Variants in AKAP19 observed in about 807,000 individuals in gnomAD.
AKAP19 encodes the protein small A-kinase anchoring protein.
the AKAP19 span, among the ~76,000 whole-genome samples, chr2:190,021,105 C>G: frequency 6.6e-6 from 1 of 152,116 alleles, no homozygotes; most frequent in East Asian, 1.9e-4. Flanking sequence ...ATCCAAATAC[C>G]TATTTGAGTC....
At chr2:190,060,584 C>A in the AKAP19 span, 2 of 705,252 alleles carry the variant, frequency 2.8e-6, 1 homozygote, top group South Asian at 4.1e-5. Context: ...CTTTATAACT[C>A]AAAAAAATGT....
At chr2:189,895,117 A>AT in the AKAP19 span, among the ~76,000 whole-genome samples, 1 of 152,218 alleles carries the variant, frequency 6.6e-6, no homozygotes, top group African/African-American at 2.4e-5. Flanking sequence ...ATAAAATTAG[A>AT]TCACAACCAT....
At chr2:189,932,336 A>C in the AKAP19 span, among the ~76,000 whole-genome samples, 1 of 145,528 alleles carries the variant, frequency 6.9e-6, no homozygotes, top group Non-Finnish European at 1.5e-5. Flanking sequence ...TCAACCTGGG[A>C]GGTGGAGGTT....
At chr2:190,043,870 T>G in the AKAP19 span, among the ~76,000 whole-genome samples, 1 of 152,204 alleles carries the variant, frequency 6.6e-6, no homozygotes, top group East Asian at 1.9e-4. Context: ...ATAGACTTCT[T>G]TTCTGGGTGT....
the AKAP19 span, among the ~76,000 whole-genome samples, chr2:190,181,951 C>G: frequency 1.3e-5 from 2 of 152,192 alleles, no homozygotes; most frequent in East Asian, 3.8e-4. Context: ...ATTCTGCTTT[C>G]AAGCAGAATG....
At chr2:189,935,755 T>C in the AKAP19 span, among the ~76,000 whole-genome samples, 16 of 152,244 alleles carry the variant, frequency 1.1e-4, no homozygotes, top group Non-Finnish European at 2.1e-4. Flanking sequence ...TTTCAGCAAA[T>C]ATTAATAGGA....
chr2:190,165,760 A>C, the AKAP19 span, among the ~76,000 whole-genome samples: 1 of 152,244 alleles, frequency 6.6e-6, no homozygotes, highest in African/African-American at 2.4e-5. Flanking sequence ...TTTATGTTAG[A>C]TGATAGACAT....
chr2:189,938,717 T>C, the AKAP19 span, among the ~76,000 whole-genome samples: 5 of 152,156 alleles, frequency 3.3e-5, 1 homozygote, highest in African/African-American at 7.2e-5. Flanking sequence ...AAGAGTATAA[T>C]TGGACTGTTT....
the AKAP19 span, among the ~76,000 whole-genome samples, chr2:190,126,670 G>A: frequency 6.6e-6 from 1 of 151,872 alleles, no homozygotes; most frequent in Non-Finnish European, 1.5e-5. Context: ...TTGTTTAAGA[G>A]CACATTATTA....
chr2:190,006,638 C>CAA, the AKAP19 span, among the ~76,000 whole-genome samples: 18,530 of 113,446 alleles, frequency 0.16, 1,336 homozygotes, highest in Middle Eastern at 0.2. Flanking sequence ...GACTCTGTCT[C>CAA]AAAAAAAAAA....
chr2:190,015,830 A>G, the AKAP19 span, among the ~76,000 whole-genome samples: 2 of 152,228 alleles, frequency 1.3e-5, no homozygotes, highest in Non-Finnish European at 2.9e-5. Flanking sequence ...ATTCCGCCAG[A>G]TACCCTAAAT....
the AKAP19 span, among the ~76,000 whole-genome samples, chr2:190,132,370 A>C: frequency 6.6e-6 from 1 of 152,242 alleles, no homozygotes. Context: ...AGCTGGAGGC[A>C]TCACACTGTC....
At chr2:189,955,713 T>C in the AKAP19 span, among the ~76,000 whole-genome samples, 5 of 152,336 alleles carry the variant, frequency 3.3e-5, no homozygotes, top group African/African-American at 1.2e-4. Context: ...CTCTGATGAT[T>C]AGTGATATTG....
the AKAP19 span, among the ~76,000 whole-genome samples, chr2:190,103,449 C>T: frequency 6.6e-6 from 1 of 152,246 alleles, no homozygotes; most frequent in Non-Finnish European, 1.5e-5. Flanking sequence ...CCCAAAGACT[C>T]TGCCAAAAGG....
At chr2:189,981,353 A>G in the AKAP19 span, among the ~76,000 whole-genome samples, 12 of 147,050 alleles carry the variant, frequency 8.2e-5, no homozygotes, top group Non-Finnish European at 1.5e-4. Flanking sequence ...ACTTATTTAT[A>G]TGACAGATCT....
chr2:189,952,951 CTAGAGT>C, the AKAP19 span, among the ~76,000 whole-genome samples: 13 of 152,150 alleles, frequency 8.5e-5, no homozygotes, highest in East Asian at 2.5e-3. Flanking sequence ...GAAGTGAGAA[CTAGAGT>C]TAAACAAAAC....
the AKAP19 span, among the ~76,000 whole-genome samples, chr2:190,103,015 C>A: frequency 6.6e-6 from 1 of 152,150 alleles, no homozygotes; most frequent in African/African-American, 2.4e-5. Flanking sequence ...AGTCTTCATT[C>A]CTGGGATACA....
At chr2:189,959,147 C>A in the AKAP19 span, among the ~76,000 whole-genome samples, 68 of 151,700 alleles carry the variant, frequency 4.5e-4, 1 homozygote, top group African/African-American at 1.5e-3. Context: ...TATAAATATT[C>A]TTTCCTGCCT....
chr2:190,088,482 G>A, the AKAP19 span, among the ~76,000 whole-genome samples: 4,030 of 152,082 alleles, frequency 0.026, 178 homozygotes, highest in African/African-American at 0.092. Flanking sequence ...GACGTAAAAA[G>A]AATATCCAAA....
Sources: allele counts gnomAD v4.1 joint callset (sites outside exome capture counted in the v4.1 genomes callset), GRCh38; gene constraint gnomAD v4.1.1; transcripts MANE v1.5; gene names NCBI Gene and HGNC (gene_info 2026-07-23, HGNC 2026-07-21).